KCTD8: variants seen among roughly 807,000 people sequenced by gnomAD.
KCTD8 encodes the protein potassium channel tetramerization domain containing 8.
In KCTD8, 27 loss-of-function variants were observed where a neutral mutation model predicts 31.5. The observed-to-expected ratio is 0.86, with a 90% CI of 0.63 to 1.18. KCTD8 has a LOEUF of 1.18. Ranked by LOEUF, KCTD8 falls within the 50% of genes most tolerant of loss-of-function variation. The pLI is 0.00. For synonymous variants in KCTD8, 290 were observed against 280.0 expected, an observed-to-expected ratio of 1.04 and a Z score of -0.36; for missense variants, 658 against 647.7, an observed-to-expected ratio of 1.02 and a Z score of -0.17.
intron 1 of KCTD8, among the ~76,000 whole-genome samples, chr4:44,431,974 T>C (rs1193971193): frequency 1.3e-5 from 2 of 151,548 alleles, no homozygotes; most frequent in Non-Finnish European, 3.0e-5. Context: ...GTACATGAGA[T>C]TTGATTTTCA....
intron 1 of KCTD8, among the ~76,000 whole-genome samples, chr4:44,301,224 A>G (rs567831988): frequency 6.6e-6 from 1 of 152,324 alleles, no homozygotes; most frequent in East Asian, 1.9e-4. Context: ...TCCTTTGGGT[A>G]TATACCCAGT....
intron 1 of KCTD8, among the ~76,000 whole-genome samples, chr4:44,408,505 A>C (rs1228899625): frequency 6.6e-6 from 1 of 152,228 alleles, no homozygotes; most frequent in Non-Finnish European, 1.5e-5. Context: ...CCTAAACAAC[A>C]TATCAACAAA....
At chr4:44,227,361 A>G (rs1284629468) in intron 1 of KCTD8, among the ~76,000 whole-genome samples, 1 of 152,060 alleles carries the variant, frequency 6.6e-6, no homozygotes, top group African/African-American at 2.4e-5. Flanking sequence ...GCTGTGTGGT[A>G]TTATTTCTGA....
intron 1 of KCTD8, among the ~76,000 whole-genome samples, chr4:44,354,417 C>T (rs893356063): frequency 6.6e-6 from 1 of 152,098 alleles, no homozygotes; most frequent in Non-Finnish European, 1.5e-5. Flanking sequence ...TAAACTTTGG[C>T]TCAGGTCATT....
chr4:44,342,255 G>C (rs895942177), intron 1 of KCTD8, among the ~76,000 whole-genome samples: 3 of 151,474 alleles, frequency 2.0e-5, no homozygotes, highest in Admixed American at 2.0e-4. Context: ...TGTAGTCCCA[G>C]CTACTCTGGA....
chr4:44,243,606 T>C (rs2109358117), intron 1 of KCTD8, among the ~76,000 whole-genome samples: 1 of 152,190 alleles, frequency 6.6e-6, no homozygotes, highest in East Asian at 1.9e-4. Context: ...ATAAAGTCAT[T>C]TGGTGTTCAC....
At chr4:44,374,820 T>A (rs1719878498) in intron 1 of KCTD8, among the ~76,000 whole-genome samples, 1 of 152,112 alleles carries the variant, frequency 6.6e-6, no homozygotes, top group Non-Finnish European at 1.5e-5. Flanking sequence ...AGGAGTAACA[T>A]CAAAGATAAC....
chr4:44,411,791 C>T (rs1185960114), intron 1 of KCTD8, among the ~76,000 whole-genome samples: 2 of 151,970 alleles, frequency 1.3e-5, no homozygotes, highest in East Asian at 3.9e-4. Flanking sequence ...CGGAGTGCTG[C>T]AGCTGCAAGC....
chr4:44,371,959 T>C (rs1294361664), intron 1 of KCTD8, among the ~76,000 whole-genome samples: 1 of 152,224 alleles, frequency 6.6e-6, no homozygotes, highest in Non-Finnish European at 1.5e-5. Flanking sequence ...ATAAAGCTTA[T>C]GGTTACATTT....
rs554970045 is a variant in KCTD8, at chr4:44,310,104, T to A, written c.962-134854A>T. ...GATTCAATTGAGAAGAAATATAACC[T>A]TTTTGGTTTATATGTAAAACTCTGA... On this transcript the variant is annotated intron_variant, in intron 1 of 1. Coordinates refer to ENST00000360029, the MANE Select transcript of KCTD8 (RefSeq NM_198353.3). Among the ~76,000 whole-genome samples the A allele has an allele frequency of 2.6e-5, 4 of 152,222 alleles. No individual in the cohort carries two copies. The East Asian group carries it at 7.7e-4, about 29-fold the overall frequency.
intron 1 of KCTD8, among the ~76,000 whole-genome samples, chr4:44,252,832 T>C (rs1227865275): frequency 6.6e-6 from 1 of 151,738 alleles, no homozygotes; most frequent in East Asian, 1.9e-4. Flanking sequence ...TTCACTGAAT[T>C]ATATATCAGT....
At position 44,304,470 on chromosome 4, in the gene KCTD8, G is replaced by A. The variant is rs192407775; in HGVS notation, c.962-129220C>T. On this transcript the variant is annotated intron_variant, in intron 1 of 1. Coordinates refer to ENST00000360029, the MANE Select transcript of KCTD8 (RefSeq NM_198353.3). ...GGTTAACAATTTCCACACTTACTAC[G>A]CCCCTGAATGTCTTCAGCCTCTTAT... Among the ~76,000 whole-genome samples the A allele has an allele frequency of 7.9e-5, 12 of 152,146 alleles. No homozygotes were observed. In the East Asian group the frequency reaches 1.5e-3, roughly 20 times the overall value.
rs1457043191 is a variant in KCTD8 at position 44,313,366 on chromosome 4, T to C, written c.961+134197A>G. Among the ~76,000 whole-genome samples the C allele has an allele frequency of 2.0e-5, 3 of 152,310 alleles. No homozygotes were observed. The East Asian group carries it at 5.8e-4, about 29-fold the overall frequency. On this transcript the variant is annotated intron_variant, in intron 1 of 1. Transcript: ENST00000360029. ...TGAAGATAATAGCCATATGGTCTTG[T>C]GGTCTGTCAGGCAGTGATGCCCTAA...
At chr4:44,351,990 T>C (rs1719216220) in intron 1 of KCTD8, among the ~76,000 whole-genome samples, 1 of 152,084 alleles carries the variant, frequency 6.6e-6, no homozygotes, top group South Asian at 2.1e-4. Flanking sequence ...TATTTATTGG[T>C]AATGAATATT....
intron 1 of KCTD8, among the ~76,000 whole-genome samples, chr4:44,363,930 C>G (rs934085604): frequency 6.6e-6 from 1 of 151,686 alleles, no homozygotes; most frequent in African/African-American, 2.4e-5. Flanking sequence ...TACCTTTAAC[C>G]AAAAAATCAA....
At chr4:44,245,977 AAAAC>A (rs1560404891) in intron 1 of KCTD8, among the ~76,000 whole-genome samples, 3 of 152,234 alleles carry the variant, frequency 2.0e-5, no homozygotes, top group African/African-American at 2.4e-5. Context: ...AGTAAACAAT[AAAAC>A]AAACAAGCAA....
intron 1 of KCTD8, among the ~76,000 whole-genome samples, chr4:44,299,457 G>A (rs1446674689): frequency 6.6e-6 from 1 of 152,134 alleles, no homozygotes; most frequent in Non-Finnish European, 1.5e-5. Flanking sequence ...CCTGCCGGGC[G>A]CGGTGGCTCA....
At chr4:44,193,615 T>A (rs1713833051) in intron 1 of KCTD8, among the ~76,000 whole-genome samples, 1 of 152,088 alleles carries the variant, frequency 6.6e-6, no homozygotes, top group African/African-American at 2.4e-5. Context: ...CATATAACAT[T>A]ATTTTATTTT....
chr4:44,350,780 C>T (rs1719175145), intron 1 of KCTD8, among the ~76,000 whole-genome samples: 1 of 152,082 alleles, frequency 6.6e-6, no homozygotes. Flanking sequence ...ACTATCATTT[C>T]CATTATTTAT....
Sources: gnomAD v4.1 joint callset for allele counts (sites outside exome capture counted in the v4.1 genomes callset) on GRCh38, gnomAD v4.1.1 for gene constraint, MANE v1.5 for transcripts, NCBI Gene and HGNC (gene_info 2026-07-23, HGNC 2026-07-21) for gene names.